The following NCOR2 variants were observed in gnomAD, a reference collection of about 807,000 sequenced individuals.
The protein encoded by NCOR2 is CTG repeat protein 26.
In NCOR2, 81 loss-of-function variants were observed where a neutral mutation model predicts 262.9. That is an observed-to-expected ratio of 0.31 (90% CI 0.26 to 0.37). The LOEUF is 0.37. Among genes scored for constraint, NCOR2 ranks in the 10% least tolerant of loss-of-function variants. The probability of loss-of-function intolerance (pLI) is 1.00; values close to 1 mark genes in which losing one functional copy is unlikely to be tolerated. For synonymous variants in NCOR2, 1,659 were observed against 1,559.3 expected (o/e 1.06, Z -1.51); for missense variants, 3,385 against 3,621.4 (o/e 0.93, Z 1.68).
At chr12:124,333,525 C>T (rs2035422285) in intron 41 of NCOR2, among the ~76,000 whole-genome samples, 4 of 152,046 alleles carry the variant, frequency 2.6e-5, no homozygotes, top group South Asian at 2.1e-4. Flanking sequence ...ACAGAGGGCC[C>T]GGGCTAGATC....
chr12:124,372,523 G>T, exon 20 of NCOR2: 1 of 1,595,498 alleles, frequency 6.3e-7, no homozygotes, highest in Non-Finnish European at 8.5e-7. Context: ...GGTGGCTGGG[G>T]GCTTGGGCCC....
intron 5 of NCOR2, among the ~76,000 whole-genome samples, chr12:124,463,686 G>A (rs1397045062): frequency 2.6e-5 from 4 of 152,252 alleles, no homozygotes; most frequent in Non-Finnish European, 5.9e-5. Flanking sequence ...AGGGAAGGAA[G>A]GCGGATTAAA....
chr12:124,511,644 G>A (rs1454153386), intron 1 of NCOR2, among the ~76,000 whole-genome samples: 1 of 152,186 alleles, frequency 6.6e-6, no homozygotes, highest in Non-Finnish European at 1.5e-5. Flanking sequence ...GGGCCTTGTG[G>A]ATTTGGTTCT....
At chr12:124,529,227 G>C (rs192763721) in intron 1 of NCOR2, among the ~76,000 whole-genome samples, 3 of 149,414 alleles carry the variant, frequency 2.0e-5, no homozygotes, top group Non-Finnish European at 3.0e-5. Context: ...AGCACTTTGG[G>C]AGGCCAAAGT....
chr12:124,358,147 ATG>A (rs34752398), intron 22 of NCOR2, among the ~76,000 whole-genome samples: 2,285 of 128,514 alleles, frequency 0.018, 69 homozygotes, highest in African/African-American at 0.064. Context: ...GTGTGCATGG[ATG>A]TGTGTGTGTG....
intron 24 of NCOR2, 148 bp downstream of exon 26, chr12:124,355,284 G>T: frequency 1.0e-6 from 1 of 976,724 alleles, no homozygotes; most frequent in Non-Finnish European, 1.5e-6. Flanking sequence ...CCTGGGGCAG[G>T]ACCCAGCCAG....
rs1212771966 is a variant in NCOR2 at position 124,335,300 on chromosome 12, G to C, written c.6266-20C>G. ...CGGGGCCTGCAGGCAGAGCAGAGCTGGTCAGGGGGTGTCTGCTGGCCCCAG... is the reference window on the plus strand; with the variant it reads ...CGGGGCCTGCAGGCAGAGCAGAGCTCGTCAGGGGGTGTCTGCTGGCCCCAG... On this transcript the variant is annotated intron_variant, in intron 39 of 46. Transcript: ENST00000405201. 3 of 1,563,776 alleles carry C rather than the reference G, an allele frequency of 1.9e-6. No individual in the cohort carries two copies. Among genetic ancestry groups the C allele is most frequent in the South Asian group, 2.3e-5 (2 of 86,222 alleles).
chr12:124,438,661 CG>C (rs766348309), intron 7 of NCOR2, among the ~76,000 whole-genome samples: 3 of 122,732 alleles, frequency 2.4e-5, no homozygotes, highest in Non-Finnish European at 5.6e-5. Context: ...TCCTGGGAGA[CG>C]GGAGTTTCAG....
rs114410049 is a variant in NCOR2 at position 124,523,277 on chromosome 12, C to T, written c.-118+12288G>A. Among the ~76,000 whole-genome samples, 3,518 of 152,316 alleles carry T rather than the reference C, an allele frequency of 0.023. 133 individuals carry two copies. The highest frequency in any genetic ancestry group is 0.079 in the African/African-American group (3,297 of 41,562). On this transcript the variant is annotated intron_variant, in intron 1 of 46. Coordinates refer to the NCOR2 transcript ENST00000404621. This position sits in a 1 kb window ranked among gnomAD's most constrained non-coding sequence, Gnocchi z 4.0. ...CTTCCAACTGCAGCACCATCCGGCA[C>T]GCCAGAATACCATGGGCACCCAGCA... is the stretch of plus-strand genomic sequence containing the variant.
chr12:124,335,373 C>T (rs1221021042), intron 39 of NCOR2, 93 bp from the exon 42 acceptor site: 1 of 1,501,864 alleles, frequency 6.7e-7, no homozygotes, highest in Non-Finnish European at 8.9e-7. Flanking sequence ...CCTCATGATC[C>T]AGCCAATTCC....
chr12:124,474,598 C>T (rs2047001134), intron 3 of NCOR2, among the ~76,000 whole-genome samples: 1 of 152,186 alleles, frequency 6.6e-6, no homozygotes, highest in Admixed American at 6.5e-5. Context: ...CCAGCCCCCT[C>T]TGCCACTCTC....
At chr12:124,354,352 G>A in intron 26 of NCOR2, 126 bp downstream of exon 28, 1 of 1,139,110 alleles carries the variant, frequency 8.8e-7, no homozygotes, top group Non-Finnish European at 1.2e-6. Flanking sequence ...GAGGGAGACA[G>A]CTGTGAAGAG....
At chr12:124,406,146 T>A (rs899037089) in intron 13 of NCOR2, among the ~76,000 whole-genome samples, 2 of 152,174 alleles carry the variant, frequency 1.3e-5, no homozygotes, top group African/African-American at 4.8e-5. Context: ...AAGTATGCCG[T>A]CTCTGTCAAC....
At chr12:124,522,816 C>A (rs746492478) in intron 1 of NCOR2, among the ~76,000 whole-genome samples, 1 of 152,236 alleles carries the variant, frequency 6.6e-6, no homozygotes, top group Non-Finnish European at 1.5e-5. Context: ...GGCCCCAGGG[C>A]CCCCCTATAG....
intron 20 of NCOR2, among the ~76,000 whole-genome samples, chr12:124,365,535 C>A (rs1017393503): frequency 6.6e-6 from 1 of 152,224 alleles, no homozygotes; most frequent in Non-Finnish European, 1.5e-5. Context: ...GGCATGTGAC[C>A]GGCCTGTTCT....
At chr12:124,395,957 C>A (rs1358800690) in intron 16 of NCOR2, among the ~76,000 whole-genome samples, 1 of 152,138 alleles carries the variant, frequency 6.6e-6, no homozygotes, top group Admixed American at 6.5e-5. Context: ...CCACACATCC[C>A]CCAAGAGATG....
chr12:124,436,141 A>T (rs964476177), intron 8 of NCOR2, among the ~76,000 whole-genome samples: 2 of 152,244 alleles, frequency 1.3e-5, no homozygotes, highest in African/African-American at 4.8e-5. Flanking sequence ...GACTACTGGC[A>T]TCCAGGCCCC....
At chr12:124,467,214 CTGTCAT>C in intron 4 of NCOR2, among the ~76,000 whole-genome samples, 1 of 127,968 alleles carries the variant, frequency 7.8e-6, no homozygotes, top group Non-Finnish European at 1.6e-5. Flanking sequence ...ATCCTCATCA[CTGTCAT>C]CCTCATCACC....
intron 1 of NCOR2, among the ~76,000 whole-genome samples, chr12:124,559,739 T>C (rs764961037): frequency 6.6e-6 from 1 of 152,082 alleles, no homozygotes; most frequent in Non-Finnish European, 1.5e-5. Context: ...CAGGATGAAG[T>C]AGATAAAGCC....
Sources: allele counts gnomAD v4.1 joint callset (sites outside exome capture counted in the v4.1 genomes callset), GRCh38; gene constraint gnomAD v4.1.1; non-coding constraint Gnocchi (gnomAD v3.1); transcripts MANE v1.5; gene names NCBI Gene and HGNC (gene_info 2026-07-23, HGNC 2026-07-21).